The following MDFIC variants were observed in gnomAD, a reference collection of about 807,000 sequenced individuals.
MDFIC encodes the protein MyoD family inhibitor domain containing.
A neutral mutation model predicts 23.2 loss-of-function variants in MDFIC; 17 were observed. That is an observed-to-expected ratio of 0.73 (90% confidence interval 0.50 to 1.10). MDFIC has a LOEUF of 1.10. Among genes scored for constraint, MDFIC ranks in the 50% least tolerant of loss-of-function variants. The probability of loss-of-function intolerance (pLI) is 0.00; values close to 1 mark genes in which losing one functional copy is unlikely to be tolerated. For missense variants in MDFIC, 356 were observed against 316.6 expected (o/e 1.12, Z -0.95); for synonymous variants, 120 against 115.2 (o/e 1.04, Z -0.27).
At chr7:114,973,947 A>G (rs1381804192) in intron 3 of MDFIC, among the ~76,000 whole-genome samples, 3 of 152,184 alleles carry the variant, frequency 2.0e-5, no homozygotes, top group Non-Finnish European at 4.4e-5. Flanking sequence ...GATGGAAAAT[A>G]TGATGTCATA....
intron 3 of MDFIC, among the ~76,000 whole-genome samples, chr7:114,958,218 T>A (rs1792919854): frequency 6.6e-6 from 1 of 152,202 alleles, no homozygotes; most frequent in South Asian, 2.1e-4. Context: ...TTAATTCTAA[T>A]CACTCTCACA....
chr7:114,929,836 G>A (rs1035216482), intron 2 of MDFIC, among the ~76,000 whole-genome samples: 1 of 152,168 alleles, frequency 6.6e-6, no homozygotes, highest in Admixed American at 6.5e-5. Context: ...AGGAAGTGGT[G>A]CAGTAGGTGT....
chr7:114,946,225 AGTGT>A (rs141050062), intron 3 of MDFIC, among the ~76,000 whole-genome samples: 50,950 of 149,326 alleles, frequency 0.34, 9,869 homozygotes, highest in Non-Finnish European at 0.45. Context: ...TAGGAAGAAG[AGTGT>A]GTGTGTGTGT....
intron 3 of MDFIC, among the ~76,000 whole-genome samples, chr7:114,973,977 G>C (rs1204224252): frequency 6.6e-6 from 1 of 151,984 alleles, no homozygotes; most frequent in Non-Finnish European, 1.5e-5. Flanking sequence ...AGAAGCTCAA[G>C]AGGCAAATAA....
intron 4 of MDFIC, among the ~76,000 whole-genome samples, chr7:115,007,421 G>A (rs908307933): frequency 6.6e-6 from 1 of 151,828 alleles, no homozygotes; most frequent in Non-Finnish European, 1.5e-5. Context: ...TAGAGATTCA[G>A]TATGTGAATG....
chr7:114,941,938 A>G (rs1215390652), intron 2 of MDFIC, among the ~76,000 whole-genome samples: 5 of 151,954 alleles, frequency 3.3e-5, no homozygotes, highest in African/African-American at 9.7e-5. Flanking sequence ...TCAACCCCCT[A>G]CATGCATGGA....
chr7:115,006,256 G>T lies in MDFIC; in HGVS notation c.494-9432G>T, dbSNP rs564484656. On this transcript the variant is annotated intron_variant, in intron 4 of 4. Transcript: ENST00000393486. The stretch of plus-strand genomic sequence containing the variant: ...TGGCTGGTCAAGTGCCTGGAGAATT[G>T]TTGTGTATGATCCCAGTCCTGTGAA... Among the ~76,000 whole-genome samples the T allele has an allele frequency of 3.9e-5, 6 of 152,290 alleles. No individual in the cohort carries two copies. The East Asian group carries it at 9.6e-4, about 24-fold the overall frequency.
chr7:114,922,440 C>G lies in MDFIC; in HGVS notation c.-304C>G. 1 of 1,243,014 alleles carries G rather than the reference C, an allele frequency of 8.0e-7. No homozygotes were observed. Among genetic ancestry groups the G allele is most frequent in the Non-Finnish European group, 1.0e-6 (1 of 989,046 alleles). 77.0% of individuals were successfully genotyped at this position (1,243,014 alleles called of 1,614,324 possible). ...GAGTGCGCGGAGTCAGAGCCGCCAC[C>G]GCTGCCGCAGTTGCCGCCACTGCGG... On this transcript the variant is annotated 5_prime_UTR_variant, in exon 1 of 5. Transcript: ENST00000393486.
At chr7:114,939,980 T>C (rs4595064) in intron 2 of MDFIC, among the ~76,000 whole-genome samples, 127,875 of 152,096 alleles carry the variant, frequency 0.84, 54,644 homozygotes, top group Non-Finnish European at 0.92. Context: ...TGAGTTTCCA[T>C]GAAAAATCTC....
intron 3 of MDFIC, among the ~76,000 whole-genome samples, chr7:114,963,943 C>G (rs966250108): frequency 4.6e-5 from 7 of 152,112 alleles, no homozygotes; most frequent in Non-Finnish European, 7.4e-5. Flanking sequence ...AGCACTGTGT[C>G]TGGTACTTTC....
chr7:114,930,231 A>G (rs1792282866), intron 2 of MDFIC, among the ~76,000 whole-genome samples: 1 of 152,206 alleles, frequency 6.6e-6, no homozygotes, highest in Non-Finnish European at 1.5e-5. Context: ...GCCAGGGAGC[A>G]TGCAGGAGCT....
intron 2 of MDFIC, among the ~76,000 whole-genome samples, chr7:114,923,979 C>T (rs1792141418): frequency 6.6e-6 from 1 of 152,170 alleles, no homozygotes; most frequent in South Asian, 2.1e-4. Flanking sequence ...TTATTTCCCA[C>T]TTGTACTAAT....
At chr7:114,960,455 G>A (rs1214263659) in intron 3 of MDFIC, among the ~76,000 whole-genome samples, 1 of 152,052 alleles carries the variant, frequency 6.6e-6, no homozygotes, top group Non-Finnish European at 1.5e-5. Context: ...TCCAGTAGGT[G>A]TACCATGGCC....
intron 2 of MDFIC, among the ~76,000 whole-genome samples, chr7:114,932,296 T>G (rs543455277): frequency 1.4e-4 from 21 of 152,182 alleles, no homozygotes; most frequent in Non-Finnish European, 2.8e-4. Flanking sequence ...GTAAAGAGAC[T>G]GAGGCACTGG....
At chr7:114,991,709 A>G (rs1585116288) in intron 4 of MDFIC, among the ~76,000 whole-genome samples, 1 of 152,214 alleles carries the variant, frequency 6.6e-6, no homozygotes, top group South Asian at 2.1e-4. Flanking sequence ...ATTGGTCTAT[A>G]TCTCTGTTTT....
chr7:114,945,305 A>C (rs1792622920), intron 3 of MDFIC, among the ~76,000 whole-genome samples: 1 of 152,196 alleles, frequency 6.6e-6, no homozygotes, highest in Non-Finnish European at 1.5e-5. Context: ...GCTGCTTTGG[A>C]AATTGTATTC....
chr7:114,974,630 T>C (rs1012608051), intron 3 of MDFIC, among the ~76,000 whole-genome samples: 1 of 152,134 alleles, frequency 6.6e-6, no homozygotes, highest in African/African-American at 2.4e-5. Context: ...GATTATACAC[T>C]ATAGCAAAAT....
intron 3 of MDFIC, among the ~76,000 whole-genome samples, chr7:114,948,289 A>G (rs1792690727): frequency 6.6e-6 from 1 of 152,184 alleles, no homozygotes; most frequent in African/African-American, 2.4e-5. Context: ...GTATGTATAG[A>G]TGACTTTTAT....
intron 3 of MDFIC, among the ~76,000 whole-genome samples, chr7:114,955,215 A>G (rs1347579862): frequency 1.3e-5 from 2 of 152,194 alleles, no homozygotes; most frequent in African/African-American, 4.8e-5. Flanking sequence ...GTAAACTTTC[A>G]TTAAGCAAAT....
Sources: allele counts gnomAD v4.1 joint callset (sites outside exome capture counted in the v4.1 genomes callset), GRCh38; gene constraint gnomAD v4.1.1; transcripts MANE v1.5; gene names NCBI Gene and HGNC (gene_info 2026-07-23, HGNC 2026-07-21).